XKR6: variants seen among roughly 807,000 people sequenced by gnomAD.
XKR6 encodes XK related 6.
A neutral mutation model predicts 56.7 loss-of-function variants in XKR6; 22 were observed. The observed-to-expected ratio is 0.39, with a 90% CI of 0.28 to 0.55. The LOEUF (loss-of-function observed/expected upper bound fraction) is 0.55. Among genes scored for constraint, XKR6 ranks in the 20% least tolerant of loss-of-function variants. The pLI is 0.66. For synonymous variants in XKR6, 524 were observed against 387.8 expected (o/e 1.35, Z -4.13); for missense variants, 852 against 889.0 (o/e 0.96, Z 0.53).
At chr8:11,008,363 T>C (rs1798420951) in intron 1 of XKR6, among the ~76,000 whole-genome samples, 1 of 151,584 alleles carries the variant, frequency 6.6e-6, no homozygotes, top group African/African-American at 2.4e-5. Context: ...CTTCTTTCCT[T>C]CTTTGTTCCC....
chr8:10,923,855 G>T (rs1025556691), intron 2 of XKR6, among the ~76,000 whole-genome samples: 2 of 152,204 alleles, frequency 1.3e-5, no homozygotes, highest in African/African-American at 4.8e-5. Flanking sequence ...GATTACACAC[G>T]CTCACTGAGC....
intron 1 of XKR6, among the ~76,000 whole-genome samples, chr8:11,147,566 G>A (rs1801048706): frequency 6.7e-6 from 1 of 150,050 alleles, no homozygotes; most frequent in East Asian, 2.0e-4. Context: ...TGAGACAGGA[G>A]AATCACTTGA....
At chr8:11,050,768 T>G (rs1563104224) in intron 1 of XKR6, among the ~76,000 whole-genome samples, 2 of 152,192 alleles carry the variant, frequency 1.3e-5, no homozygotes, top group East Asian at 3.9e-4. Context: ...TGTTCTTCCC[T>G]CATGTCCCCA....
intron 1 of XKR6, among the ~76,000 whole-genome samples, chr8:11,049,824 G>C (rs1799500263): frequency 6.6e-6 from 1 of 152,348 alleles, no homozygotes; most frequent in Admixed American, 6.5e-5. Flanking sequence ...AGCTTTAAAA[G>C]GCCTTCAAGA....
At chr8:11,156,674 T>C (rs1801534160) in intron 1 of XKR6, among the ~76,000 whole-genome samples, 1 of 152,182 alleles carries the variant, frequency 6.6e-6, no homozygotes, top group Non-Finnish European at 1.5e-5. Context: ...GTCATCAAAA[T>C]ACTACAAAGT....
At chr8:11,062,992 C>G (rs1410893055) in intron 1 of XKR6, 1 of 366,154 alleles carries the variant, frequency 2.7e-6, no homozygotes, top group Non-Finnish European at 5.4e-6. Flanking sequence ...ATGGAGGAGC[C>G]TGGGTTCTTG....
At chr8:11,100,960 G>A (rs959733549) in intron 1 of XKR6, among the ~76,000 whole-genome samples, 1 of 152,176 alleles carries the variant, frequency 6.6e-6, no homozygotes, top group Non-Finnish European at 1.5e-5. Context: ...TTAGGAGACA[G>A]TTTCCTCACC....
chr8:10,981,839 G>C (rs1331139184), intron 1 of XKR6, among the ~76,000 whole-genome samples: 2 of 152,206 alleles, frequency 1.3e-5, no homozygotes, highest in Non-Finnish European at 2.9e-5. Flanking sequence ...GTTAAGTAGA[G>C]ATGTCAAAGT....
chr8:10,910,892 GGCTGGCC>G (rs1800333633), intron 2 of XKR6, among the ~76,000 whole-genome samples: 1 of 152,198 alleles, frequency 6.6e-6, no homozygotes, highest in Non-Finnish European at 1.5e-5. Context: ...CCTGGATCCT[GGCTGGCC>G]TGGAGCAAAC....
At chr8:10,920,926 A>G (rs183654274) in intron 2 of XKR6, among the ~76,000 whole-genome samples, 1 of 152,384 alleles carries the variant, frequency 6.6e-6, no homozygotes, top group African/African-American at 2.4e-5. Context: ...ACCTGGGGAA[A>G]TGCTCACCAG....
intron 1 of XKR6, among the ~76,000 whole-genome samples, chr8:11,111,284 AAGG>A (rs1188551650): frequency 7.2e-5 from 11 of 152,066 alleles, no homozygotes; most frequent in African/African-American, 2.4e-4. Flanking sequence ...CCAATAATAG[AAGG>A]AGGTGGCGGC....
chr8:11,157,727 C>T (rs1301134926), intron 1 of XKR6, among the ~76,000 whole-genome samples: 1 of 152,136 alleles, frequency 6.6e-6, no homozygotes, highest in Non-Finnish European at 1.5e-5. Context: ...CACCATGTTG[C>T]TGGGCTCAAT....
At chr8:11,110,748 C>T (rs927335487) in intron 1 of XKR6, among the ~76,000 whole-genome samples, 17 of 152,198 alleles carry the variant, frequency 1.1e-4, no homozygotes, top group Non-Finnish European at 1.5e-5. Context: ...AATTCTCATT[C>T]ATTCCAATGG....
At chr8:10,909,166 A>C (rs1800274665) in intron 2 of XKR6, among the ~76,000 whole-genome samples, 1 of 36,642 alleles carries the variant, frequency 2.7e-5, no homozygotes, top group South Asian at 6.4e-4. Context: ...ACTCTGTCTC[A>C]AAAAAAAAAA....
intron 1 of XKR6, among the ~76,000 whole-genome samples, chr8:11,082,443 C>T (rs1051823445): frequency 1.3e-5 from 2 of 152,358 alleles, no homozygotes; most frequent in South Asian, 2.1e-4. Context: ...GCAGCTTCAC[C>T]GGGCAAACAG....
chr8:11,035,149 T>C (rs957728878), intron 1 of XKR6: 1 of 530,104 alleles, frequency 1.9e-6, no homozygotes, highest in Non-Finnish European at 3.9e-6. Flanking sequence ...AGACAAACTA[T>C]GACAAACAGC....
At chr8:11,021,526 G>A (rs559476428) in intron 1 of XKR6, among the ~76,000 whole-genome samples, 4 of 152,160 alleles carry the variant, frequency 2.6e-5, no homozygotes, top group Admixed American at 1.3e-4. Flanking sequence ...CAATTCATTA[G>A]TAGCTTCTAG....
intron 1 of XKR6, among the ~76,000 whole-genome samples, chr8:11,187,195 A>G (rs1191602986): frequency 6.6e-6 from 1 of 152,236 alleles, no homozygotes; most frequent in Non-Finnish European, 1.5e-5. Flanking sequence ...GCATCAAGAA[A>G]TTATAGCATC....
intron 1 of XKR6, among the ~76,000 whole-genome samples, chr8:11,187,757 G>A (rs1803352131): frequency 6.6e-6 from 1 of 152,122 alleles, no homozygotes; most frequent in Non-Finnish European, 1.5e-5. Context: ...ATGGTGTGGG[G>A]GCACATGAAG....
Sources: gnomAD v4.1 joint callset for allele counts (sites outside exome capture counted in the v4.1 genomes callset) on GRCh38, gnomAD v4.1.1 for gene constraint, MANE v1.5 for transcripts, NCBI Gene and HGNC (gene_info 2026-07-23, HGNC 2026-07-21) for gene names.